The following PPM1F variants were observed in gnomAD, a reference collection of about 807,000 sequenced individuals.
PPM1F encodes the protein protein phosphatase, Mg2+/Mn2+ dependent 1F.
PPM1F carries 17 observed loss-of-function variants against 35.5 expected under a neutral mutation model. The ratio of observed to expected loss-of-function variants is 0.48; its 90% CI spans 0.33 to 0.72. PPM1F has a LOEUF of 0.72. PPM1F is among the 30% of genes least tolerant of loss of function. PPM1F has a pLI of 0.02. For missense variants in PPM1F, 521 were observed against 613.0 expected, an observed-to-expected ratio of 0.85 and a Z score of 1.59; for synonymous variants, 241 against 255.5, an observed-to-expected ratio of 0.94 and a Z score of 0.54.
chr22:21,940,206 G>A (rs904397312), intron 2 of PPM1F, among the ~76,000 whole-genome samples: 1 of 152,170 alleles, frequency 6.6e-6, no homozygotes, highest in African/African-American at 2.4e-5. Flanking sequence ...CGGGTGCGGT[G>A]GCTCACATCT....
intron 1 of PPM1F, chr22:21,952,422 A>C (rs2070849637): frequency 1.3e-5 from 2 of 152,340 alleles, no homozygotes. Context: ...CAAATCTCGG[A>C]AAATGGGGCG....
chr22:21,939,650 C>T lies in PPM1F; in HGVS notation c.237G>A (p.Leu79=), dbSNP rs755862470. 3.9e-6 allele frequency: 6 copies of T among 1,554,660 alleles called. No homozygotes were observed. The South Asian group carries it at 7.1e-5, about 18-fold the overall frequency. The stretch of plus-strand genomic sequence containing the variant: ...GCAGCTGTGAAACTGCTTCGTGGGC[C>T]AGAGCAGCAGCAAGTGGTGGCGGGG... ...RKAPPPLAAA[L]AHEAVSQLLQ... The change falls in exon 3 of 8, where the codon CTG becomes CTA. Residue 79 remains leucine (L), a synonymous_variant. Coordinates refer to ENST00000263212, the MANE Select transcript of PPM1F (RefSeq NM_014634.4). This position sits in a 1 kb window ranked among gnomAD's most constrained non-coding sequence, Gnocchi z 5.1.
chr22:21,933,317 G>A (rs1001044099), intron 5 of PPM1F, 74 bp downstream of exon 5: 12 of 1,417,138 alleles, frequency 8.5e-6, no homozygotes, highest in African/African-American at 2.8e-5. Context: ...CCCCTTTGGC[G>A]TTTTTCCCGC....
At position 21,945,727 on chromosome 22, in the gene PPM1F, C is replaced by CATA. The variant is rs1470351921; in HGVS notation, c.206+115_206+116insTAT. On this transcript the variant is annotated intron_variant, in intron 2 of 7. Coordinates refer to ENST00000263212, the MANE Select transcript of PPM1F (RefSeq NM_014634.4). ...TTCCACATGGTGCTGCATAGGGATC[C>CATA]GGGGCTGCAGATCCCCGTGTGGGGC... 10 of 1,081,210 alleles carry CATA rather than the reference C, an allele frequency of 9.2e-6. No individual in the cohort carries two copies. In the Admixed American group the frequency reaches 9.4e-5, roughly 10 times the overall value. The allele number at this position is 1,081,210 out of a possible 1,614,324, so 67.0% of individuals were successfully genotyped here.
intron 6 of PPM1F, among the ~76,000 whole-genome samples, chr22:21,927,753 G>A (rs2145792953): frequency 6.6e-6 from 1 of 152,280 alleles, no homozygotes; most frequent in Non-Finnish European, 1.5e-5. Context: ...GGCTGCGCCG[G>A]CTCCCCGGGC....
At chr22:21,950,312 A>G (rs2070821992) in intron 1 of PPM1F, 1 of 150,414 alleles carries the variant, frequency 6.6e-6, no homozygotes, top group Non-Finnish European at 1.5e-5. Flanking sequence ...CTTTGCTGAA[A>G]TCTCCCCATC....
chr22:21,929,374 C>T (rs935535854), intron 6 of PPM1F, among the ~76,000 whole-genome samples: 1 of 152,296 alleles, frequency 6.6e-6, no homozygotes, highest in African/African-American at 2.4e-5. Context: ...TCCACATGCA[C>T]TGGGACACTC....
At position 21,923,296 on chromosome 22, in the gene PPM1F, G is replaced by A. The variant is rs765267318; in HGVS notation, c.1161C>T (p.Leu387=). 1 of 1,613,484 alleles carries A rather than the reference G, an allele frequency of 6.2e-7. No individual in the cohort carries two copies. The highest frequency in any genetic ancestry group is 8.5e-7 in the Non-Finnish European group (1 of 1,179,932). ...CAGCCACCAGCTCCTCGGCGACACG[G>A]AGCCCGCTGCCCTGCTGCCTGGTCA... ...SHLTRQQGSG[L]RVAEELVAAA... The change falls in exon 8 of 8, where the codon CTC becomes CTT. Residue 387 remains leucine, a synonymous_variant. Transcript: ENST00000263212.
chr22:21,933,904 G>A (rs187396013), intron 4 of PPM1F, 120 bp downstream of exon 4: 3 of 982,376 alleles, frequency 3.1e-6, no homozygotes, highest in African/African-American at 3.3e-5. Context: ...CAAGTACAGG[G>A]GCTGACGGGT....
chr22:21,945,859 C>T lies in PPM1F; in HGVS notation c.190G>A (p.Gly64Ser). The T allele has an allele frequency of 1.2e-6, 2 of 1,610,750 alleles. No homozygotes were observed. The highest frequency in any genetic ancestry group is 1.7e-6 in the Non-Finnish European group (2 of 1,179,832). Residue 64 changes from glycine (G) to serine (S), a missense_variant, in exon 2 of 8, where the codon GGC becomes AGC. Transcript: ENST00000263212. ...VEGELAELAM[G>S]FLGSRKAPPP... Reference sequence around the variant, plus strand: ...CAGGCCTACCTGCTGCCCAGAAAGCCCATGGCCAGCTCAGCCAGCTCGCCC... The same window carrying T: ...CAGGCCTACCTGCTGCCCAGAAAGCTCATGGCCAGCTCAGCCAGCTCGCCC...
chr22:21,933,590 T>C lies in PPM1F; in HGVS notation c.559-11A>G. Reference sequence around the variant, plus strand: ...GCGGTTCACAGGGTCCTGGTGGGGATGTGGTGGGAGTCACAGACCCGCGGG... The same window carrying C: ...GCGGTTCACAGGGTCCTGGTGGGGACGTGGTGGGAGTCACAGACCCGCGGG... On this transcript the variant is annotated splice_polypyrimidine_tract_variant and intron_variant, in intron 4 of 7. Transcript: ENST00000263212. 6.2e-7 allele frequency: 1 copy of C among 1,602,838 alleles called. No homozygotes were observed. The highest frequency in any genetic ancestry group is 8.5e-7 in the Non-Finnish European group (1 of 1,171,408).
chr22:21,922,858 C>A lies in PPM1F; in HGVS notation c.*234G>T. On this transcript the variant is annotated 3_prime_UTR_variant, in exon 8 of 8. Transcript: ENST00000263212. ...GAGCTGGGAGCAAGAGCCGGTCCAT[C>A]TTCTCTTTGGTGAGGTCTCCTAAGC... 1 of 546,620 alleles carries A rather than the reference C, an allele frequency of 1.8e-6. No homozygotes were observed. 33.9% of individuals were successfully genotyped at this position (546,620 alleles called of 1,614,324 possible).
intron 3 of PPM1F, chr22:21,934,565 A>G (rs2070636219): frequency 4.0e-6 from 1 of 251,914 alleles, no homozygotes; most frequent in South Asian, 5.2e-5. Context: ...TATATATCCA[A>G]TGACAAAGGA....
At chr22:21,938,265 G>A (rs1175863406) in intron 3 of PPM1F, 5 of 1,285,556 alleles carry the variant, frequency 3.9e-6, no homozygotes, top group South Asian at 2.5e-5. Context: ...GAGGGCCTGG[G>A]CGGTGGCGGC....
rs773956091 is a variant in PPM1F, at chr22:21,939,697, G to A, written c.207-17C>T. 2 of 1,551,388 alleles carry A rather than the reference G, an allele frequency of 1.3e-6. No homozygotes were observed. The highest frequency in any genetic ancestry group is 2.4e-5 in the East Asian group (1 of 40,918). On this transcript the variant is annotated splice_polypyrimidine_tract_variant and intron_variant, in intron 2 of 7. Transcript: ENST00000263212. This position sits in a 1 kb window ranked among gnomAD's most constrained non-coding sequence, Gnocchi z 5.1. ...GGGGCCTTCCTAGGGATGAGGAGGG[G>A]GAAGTGAGGGGCAGCCCCCAGCAGG... is the stretch of plus-strand genomic sequence containing the variant.
At chr22:21,923,871 G>A (rs1184695186) in intron 7 of PPM1F, among the ~76,000 whole-genome samples, 1 of 145,602 alleles carries the variant, frequency 6.9e-6, no homozygotes, top group African/African-American at 2.6e-5. Flanking sequence ...TTGTATTTTA[G>A]TAGAGATGGG....
chr22:21,947,860 A>G (rs554262835), intron 1 of PPM1F: 1 of 152,286 alleles, frequency 6.6e-6, no homozygotes, highest in Non-Finnish European at 1.5e-5. Flanking sequence ...GCCTAAAGAT[A>G]AAAAACACAA....
At chr22:21,923,987 C>T (rs1045403281) in intron 7 of PPM1F, among the ~76,000 whole-genome samples, 2 of 151,830 alleles carry the variant, frequency 1.3e-5, no homozygotes, top group Admixed American at 6.6e-5. Context: ...CACACCAGGC[C>T]GAGCTCCCTC....
At chr22:21,926,047 G>T (rs1459784094) in intron 6 of PPM1F, 1 of 202,298 alleles carries the variant, frequency 4.9e-6, no homozygotes, top group Non-Finnish European at 9.9e-6. Context: ...AAAGCTGCTG[G>T]GCCAAGATGG....
Sources: allele counts gnomAD v4.1 joint callset (sites outside exome capture counted in the v4.1 genomes callset), GRCh38; gene constraint gnomAD v4.1.1; non-coding constraint Gnocchi (gnomAD v3.1); transcripts MANE v1.5; gene names NCBI Gene and HGNC (gene_info 2026-07-23, HGNC 2026-07-21).